Variants in NAALADL2 observed in about 807,000 individuals in gnomAD.
The protein encoded by NAALADL2 is N-acetylated alpha-linked acidic dipeptidase like 2, also known as inactive N-acetylated-alpha-linked acidic dipeptidase-like protein 2.
NAALADL2 carries 76 observed loss-of-function variants against 87.2 expected under a neutral mutation model. That is an observed-to-expected ratio of 0.87 (90% CI 0.72 to 1.05). The LOEUF (loss-of-function observed/expected upper bound fraction) is 1.05, where lower values mean the gene tolerates loss of function less well. NAALADL2 is among the 50% of genes least tolerant of loss of function. NAALADL2 has a pLI of 0.00. For synonymous variants in NAALADL2, 354 were observed against 331.0 expected (o/e 1.07, Z -0.75); for missense variants, 1,089 against 945.8 (o/e 1.15, Z -1.99).
intron 9 of NAALADL2, among the ~76,000 whole-genome samples, chr3:175,554,179 G>A (rs1359727975): frequency 1.3e-5 from 2 of 152,078 alleles, no homozygotes; most frequent in African/African-American, 4.8e-5. Flanking sequence ...GGATGTTAGA[G>A]GGTGAAGCAG....
intron 1 of NAALADL2, among the ~76,000 whole-genome samples, chr3:174,937,190 CT>C (rs1737825341): frequency 6.6e-6 from 1 of 152,004 alleles, no homozygotes; most frequent in Admixed American, 6.6e-5. Context: ...AGTAATGAAC[CT>C]TTCACTGGTA....
At chr3:175,612,550 A>T (rs1261575134) in intron 10 of NAALADL2, among the ~76,000 whole-genome samples, 1 of 152,088 alleles carries the variant, frequency 6.6e-6, no homozygotes, top group Non-Finnish European at 1.5e-5. Context: ...CGATGTTTAG[A>T]TTCTTTTGCC....
At chr3:175,693,714 C>T (rs771149074) in intron 11 of NAALADL2, among the ~76,000 whole-genome samples, 9 of 151,950 alleles carry the variant, frequency 5.9e-5, no homozygotes, top group Non-Finnish European at 1.0e-4. Context: ...TTGGTTTGTT[C>T]GTTTTGACAG....
At chr3:175,497,350 A>G (rs1728958365) in intron 9 of NAALADL2, among the ~76,000 whole-genome samples, 1 of 152,216 alleles carries the variant, frequency 6.6e-6, no homozygotes, top group Non-Finnish European at 1.5e-5. Context: ...AAACTTTACT[A>G]ATCTTTTTCA....
intron 9 of NAALADL2, among the ~76,000 whole-genome samples, chr3:175,559,917 G>T (rs576659335): frequency 1.3e-5 from 2 of 152,154 alleles, no homozygotes; most frequent in South Asian, 2.1e-4. Flanking sequence ...ATGTGTCTTT[G>T]TCTGGTTTTG....
chr3:174,472,864 C>T (rs1161685865), intron 1 of NAALADL2, among the ~76,000 whole-genome samples: 1 of 152,124 alleles, frequency 6.6e-6, no homozygotes, highest in Non-Finnish European at 1.5e-5. Context: ...AAACATGTCA[C>T]AACCAGCTTT....
In NAALADL2 at chr3:175,349,542, C is replaced by A. The variant is rs529799757; in HGVS notation, c.1090+25217C>A. On this transcript the variant is annotated intron_variant, in intron 5 of 13. Transcript: ENST00000454872. ...AAGCTTGGGGAAGTCACTGAACTCT[C>A]CTATGCGGAGTTTTCCTTTTTAAAT... 3.3e-5 allele frequency among the ~76,000 whole-genome samples: 5 copies of A among 152,280 alleles called. No individual in the cohort carries two copies. The South Asian group carries it at 1.0e-3, about 32-fold the overall frequency.
chr3:174,706,088 T>C (rs1730042691), intron 2 of NAALADL2, among the ~76,000 whole-genome samples: 1 of 152,222 alleles, frequency 6.6e-6, no homozygotes, highest in South Asian at 2.1e-4. Context: ...CTGAAATAAT[T>C]TGTATTAGTA....
At chr3:174,821,113 C>A (rs1721370246) in intron 3 of NAALADL2, among the ~76,000 whole-genome samples, 1 of 152,078 alleles carries the variant, frequency 6.6e-6, no homozygotes. Flanking sequence ...GGCTCCACTC[C>A]CCTATGGGGA....
In NAALADL2 at chr3:175,055,556, C is replaced by T. The variant is rs558974185; in HGVS notation, c.44-41234C>T. ...ACAGGGGTGAGGGAATGGCCTCAGTCGGAAATGCCCCAGTTTGGAATGGGG... is the reference window on the plus strand; with the variant it reads ...ACAGGGGTGAGGGAATGGCCTCAGTTGGAAATGCCCCAGTTTGGAATGGGG... On this transcript the variant is annotated intron_variant, in intron 1 of 13. Transcript: ENST00000454872. 2.3e-3 allele frequency among the ~76,000 whole-genome samples: 353 copies of T among 152,286 alleles called. 2 individuals carry two copies. Among genetic ancestry groups the T allele is most frequent in the Middle Eastern group, 6.8e-3 (2 of 294 alleles).
intron 2 of NAALADL2, among the ~76,000 whole-genome samples, chr3:175,210,084 T>C (rs559317707): frequency 2.6e-5 from 4 of 151,862 alleles, no homozygotes; most frequent in African/African-American, 9.6e-5. Flanking sequence ...GATGGATATA[T>C]GTAATGTAAA....
intron 1 of NAALADL2, among the ~76,000 whole-genome samples, chr3:174,901,364 C>G (rs1350248825): frequency 6.6e-6 from 1 of 151,996 alleles, no homozygotes; most frequent in African/African-American, 2.4e-5. Flanking sequence ...TCTCTATGGG[C>G]AATGGAAGAA....
intron 2 of NAALADL2, among the ~76,000 whole-genome samples, chr3:174,707,173 T>A (rs954975892): frequency 2.4e-4 from 36 of 152,166 alleles, no homozygotes; most frequent in Admixed American, 4.6e-4. Flanking sequence ...GTGGAGAAAT[T>A]GGAACACTTT....
At chr3:174,806,528 G>A (rs529229537) in intron 3 of NAALADL2, among the ~76,000 whole-genome samples, 1 of 152,320 alleles carries the variant, frequency 6.6e-6, no homozygotes, top group Admixed American at 6.5e-5. Flanking sequence ...AGTCTTTCCT[G>A]AAGAGAAACC....
At chr3:174,587,097 C>G (rs1425237035) in intron 2 of NAALADL2, among the ~76,000 whole-genome samples, 1 of 151,768 alleles carries the variant, frequency 6.6e-6, no homozygotes, top group Non-Finnish European at 1.5e-5. Flanking sequence ...GGTTTTCTGT[C>G]CTTGCCATAG....
intron 1 of NAALADL2, among the ~76,000 whole-genome samples, chr3:174,479,035 C>T (rs1183371820): frequency 2.0e-5 from 3 of 152,122 alleles, no homozygotes; most frequent in Non-Finnish European, 2.9e-5. Context: ...CTGCGTTCCT[C>T]AGCTTTCCAG....
intron 2 of NAALADL2, among the ~76,000 whole-genome samples, chr3:174,608,627 C>T (rs1420652943): frequency 4.6e-5 from 7 of 151,830 alleles, no homozygotes; most frequent in Admixed American, 2.0e-4. Flanking sequence ...AAGTTGAATC[C>T]CTGAATAGAC....
At chr3:174,876,131 T>C (rs902195835) in intron 1 of NAALADL2, among the ~76,000 whole-genome samples, 4 of 152,172 alleles carry the variant, frequency 2.6e-5, no homozygotes, top group Non-Finnish European at 5.9e-5. Context: ...ACAAATAATC[T>C]TGGACTTTAG....
chr3:174,444,034 AGCGTT>A (rs1714863139), intron 1 of NAALADL2, among the ~76,000 whole-genome samples: 4 of 152,104 alleles, frequency 2.6e-5, no homozygotes, highest in Admixed American at 1.3e-4. Context: ...GAGGAAATGG[AGCGTT>A]AGTTGTAGGA....
Sources: allele counts gnomAD v4.1 joint callset (sites outside exome capture counted in the v4.1 genomes callset), GRCh38; gene constraint gnomAD v4.1.1; transcripts MANE v1.5; gene names NCBI Gene and HGNC (gene_info 2026-07-23, HGNC 2026-07-21).